CHODL: variants seen among roughly 807,000 people sequenced by gnomAD.
CHODL encodes the protein transmembrane protein MT75.
In CHODL, 29 loss-of-function variants were observed where a neutral mutation model predicts 34.5. That is an observed-to-expected ratio of 0.84 (90% CI 0.63 to 1.15). CHODL has a LOEUF of 1.15. Ranked by LOEUF, CHODL falls within the 50% of genes most tolerant of loss-of-function variation. The pLI, the probability that CHODL is intolerant of heterozygous loss-of-function variation, is 0.00. For synonymous variants in CHODL, 125 were observed against 116.1 expected (o/e 1.08, Z -0.49); for missense variants, 332 against 332.5 (o/e 1.00, Z 0.01).
chr21:18,082,937 T>C (rs989068204), intron 2 of CHODL, among the ~76,000 whole-genome samples: 1 of 152,180 alleles, frequency 6.6e-6, no homozygotes, highest in Non-Finnish European at 1.5e-5. Flanking sequence ...AAAAAAACTT[T>C]TCTGAAGAGA....
At chr21:18,193,713 AAATAAAT>A (rs2073544625) in intron 2 of CHODL, among the ~76,000 whole-genome samples, 2 of 108,646 alleles carry the variant, frequency 1.8e-5, no homozygotes, top group African/African-American at 4.5e-5. Flanking sequence ...AAAAAAAATA[AAATAAAT>A]AAATAAATAA....
At chr21:17,957,578 A>G (rs2063502109) in intron 1 of CHODL, among the ~76,000 whole-genome samples, 1 of 152,100 alleles carries the variant, frequency 6.6e-6, no homozygotes, top group Non-Finnish European at 1.5e-5. Flanking sequence ...TACCTTTTTT[A>G]TATAAGCCTT....
At chr21:18,016,278 T>C (rs769244961) in intron 1 of CHODL, among the ~76,000 whole-genome samples, 1 of 152,206 alleles carries the variant, frequency 6.6e-6, no homozygotes, top group Non-Finnish European at 1.5e-5. Context: ...GCTTCAGCTA[T>C]GGCCATGGCT....
chr21:18,236,801 T>G (rs1313169681), intron 2 of CHODL, among the ~76,000 whole-genome samples: 1 of 152,154 alleles, frequency 6.6e-6, no homozygotes, highest in Non-Finnish European at 1.5e-5. Context: ...ATATCCTCAA[T>G]GAAAATGTGC....
At chr21:18,165,138 C>G (rs1368888797) in intron 2 of CHODL, among the ~76,000 whole-genome samples, 1 of 151,974 alleles carries the variant, frequency 6.6e-6, no homozygotes, top group Non-Finnish European at 1.5e-5. Flanking sequence ...TAGTGTTCCC[C>G]AAGTTGTGAA....
intron 2 of CHODL, among the ~76,000 whole-genome samples, chr21:18,047,567 T>C (rs947617275): frequency 6.6e-6 from 1 of 151,930 alleles, no homozygotes; most frequent in African/African-American, 2.4e-5. Flanking sequence ...AGCCGTTTTC[T>C]GATTAGAGAA....
intron 2 of CHODL, among the ~76,000 whole-genome samples, chr21:18,112,625 A>G (rs1280514197): frequency 6.6e-6 from 1 of 152,202 alleles, no homozygotes; most frequent in Non-Finnish European, 1.5e-5. Flanking sequence ...TCTACAGTGA[A>G]CTCATTTGCA....
intron 2 of CHODL, among the ~76,000 whole-genome samples, chr21:18,124,451 G>A (rs1038401761): frequency 2.0e-5 from 3 of 152,200 alleles, no homozygotes; most frequent in Non-Finnish European, 2.9e-5. Flanking sequence ...TCTGTGCTCT[G>A]AGGGTAAGAC....
intron 2 of CHODL, among the ~76,000 whole-genome samples, chr21:18,041,448 A>G (rs1415615022): frequency 6.6e-6 from 1 of 151,910 alleles, no homozygotes; most frequent in Non-Finnish European, 1.5e-5. Flanking sequence ...TTTTTTTTAA[A>G]TGAAAGCCAT....
At chr21:18,045,342 A>AAAATG (rs1194043388) in intron 2 of CHODL, among the ~76,000 whole-genome samples, 1 of 152,016 alleles carries the variant, frequency 6.6e-6, no homozygotes, top group Non-Finnish European at 1.5e-5. Flanking sequence ...TAAGGATCTC[A>AAAATG]AAATGAGATA....
intron 2 of CHODL, among the ~76,000 whole-genome samples, chr21:18,143,997 C>T (rs1232248161): frequency 6.6e-6 from 1 of 152,050 alleles, no homozygotes; most frequent in Non-Finnish European, 1.5e-5. Flanking sequence ...ACATAACCAA[C>T]ATTTTCAGAA....
chr21:18,078,324 CTTTATAAAA>C (rs887887893), intron 2 of CHODL, among the ~76,000 whole-genome samples: 64 of 152,210 alleles, frequency 4.2e-4, no homozygotes, highest in African/African-American at 1.4e-3. Flanking sequence ...GGGAACTCCC[CTTTATAAAA>C]CCATCAGATC....
intron 1 of CHODL, among the ~76,000 whole-genome samples, chr21:18,018,954 A>G (rs2064101966): frequency 6.6e-6 from 1 of 152,210 alleles, no homozygotes. Context: ...AATACCCTCC[A>G]TGACTTGATT....
chr21:18,140,738 G>T (rs928017665), intron 2 of CHODL, among the ~76,000 whole-genome samples: 3 of 151,990 alleles, frequency 2.0e-5, no homozygotes, highest in African/African-American at 7.2e-5. Context: ...TGGTGGTATG[G>T]CTGGTGGGTT....
chr21:18,100,084 A>G (rs1456353513), intron 2 of CHODL: 1 of 152,136 alleles, frequency 6.6e-6, no homozygotes, highest in East Asian at 1.9e-4. Context: ...CACGACAAAT[A>G]AAAATAAAAA....
chr21:18,124,786 C>G lies in CHODL; in HGVS notation c.-45+96815C>G, dbSNP rs1167881622. Among the ~76,000 whole-genome samples the G allele has an allele frequency of 3.9e-5, 6 of 152,288 alleles. No individual in the cohort carries two copies. The East Asian group carries it at 1.2e-3, about 29-fold the overall frequency. ...TAGTGTTCTGAATAAATAACAATAG[C>G]TGGTATTTACTAAGCACTTACTATA... On this transcript the variant is annotated intron_variant, in intron 2 of 6. Transcript: ENST00000400127.
At chr21:18,242,811 T>A (rs1489929992), upstream of CHODL, among the ~76,000 whole-genome samples, 1 of 152,304 alleles carries the variant, frequency 6.6e-6, no homozygotes, top group East Asian at 1.9e-4. Context: ...TTATTATAGT[T>A]TGGGCTTCCT....
chr21:18,029,893 T>C (rs1286956743), intron 2 of CHODL, among the ~76,000 whole-genome samples: 1 of 152,114 alleles, frequency 6.6e-6, no homozygotes, highest in Non-Finnish European at 1.5e-5. Flanking sequence ...TGTGATAGCA[T>C]TGCAGCCACA....
intron 2 of CHODL, among the ~76,000 whole-genome samples, chr21:18,232,487 G>A (rs1329797438): frequency 6.6e-6 from 1 of 152,022 alleles, no homozygotes; most frequent in Non-Finnish European, 1.5e-5. Context: ...ATGAACAAAT[G>A]CCTCTTTAAC....
Sources: allele counts gnomAD v4.1 joint callset (sites outside exome capture counted in the v4.1 genomes callset), GRCh38; gene constraint gnomAD v4.1.1; transcripts MANE v1.5; gene names NCBI Gene and HGNC (gene_info 2026-07-23, HGNC 2026-07-21).